Variants in PWWP2A observed in about 807,000 individuals in gnomAD.
PWWP2A encodes PWWP domain containing 2A.
A neutral mutation model predicts 48.5 loss-of-function variants in PWWP2A; 18 were observed. The observed-to-expected ratio is 0.37, with a 90% CI of 0.26 to 0.55. PWWP2A has a LOEUF of 0.55. Ranked by LOEUF, PWWP2A falls within the 20% of genes least tolerant of loss-of-function variation. The pLI, the probability that PWWP2A is intolerant of heterozygous loss-of-function variation, is 0.81. For missense variants in PWWP2A, 867 were observed against 976.4 expected (o/e 0.89, Z 1.49); for synonymous variants, 396 against 387.7 (o/e 1.02, Z -0.25).
At chr5:160,063,947 C>G (rs1030404443) in intron 4 of PWWP2A, among the ~76,000 whole-genome samples, 14 of 150,052 alleles carry the variant, frequency 9.3e-5, no homozygotes, top group Admixed American at 7.3e-4. Flanking sequence ...TGGCAAGAAC[C>G]GCTGGCTATA....
At chr5:160,118,637 G>GGTCTCGCCCTCTCCCA in intron 1 of PWWP2A, among the ~76,000 whole-genome samples, 168 bp downstream of exon 1, 1 of 152,066 alleles carries the variant, frequency 6.6e-6, no homozygotes, top group Admixed American at 6.5e-5. Context: ...GCCCTCTCCC[G>GGTCTCGCCCTCTCCCA]GTCTCGCGCG....
At chr5:160,083,824 G>A (rs946717061) in intron 2 of PWWP2A, among the ~76,000 whole-genome samples, 1 of 152,190 alleles carries the variant, frequency 6.6e-6, no homozygotes, top group African/African-American at 2.4e-5. Context: ...AGGAAAGTGA[G>A]TACCAGATCA....
Position 160,078,508 on chromosome 5 carries a change from A to G in PWWP2A, c.1670-340T>C, listed in dbSNP as rs766357075. On this transcript the variant is annotated intron_variant, in intron 3 of 3. Coordinates refer to the PWWP2A transcript ENST00000456329. The surrounding 1 kb of genome is among the most constrained non-coding windows in gnomAD (Gnocchi z 4.2). ...CAGGGGAATTTTAACTTTGTTCCTT[A>G]TATCGCCATTTCACAGTACAGTGCT... Among the ~76,000 whole-genome samples the G allele has an allele frequency of 1.3e-5, 2 of 152,102 alleles. No individual in the cohort carries two copies. The highest frequency in any genetic ancestry group is 2.4e-5 in the African/African-American group (1 of 41,402).
chr5:160,064,823 C>T, intron 4 of PWWP2A: 3 of 1,218,156 alleles, frequency 2.5e-6, no homozygotes, highest in East Asian at 2.4e-5. Flanking sequence ...TCTTTAACTG[C>T]AAAGAGATAC....
At chr5:160,082,936 G>A (rs1260678636) in intron 2 of PWWP2A, among the ~76,000 whole-genome samples, 1 of 152,056 alleles carries the variant, frequency 6.6e-6, no homozygotes, top group African/African-American at 2.4e-5. Flanking sequence ...ACCAGAACAG[G>A]GTAACCCTCA....
In PWWP2A at chr5:160,092,809, G is replaced by C. The variant is rs1183914341; in HGVS notation, c.1841C>G (p.Pro614Arg). The C allele has an allele frequency of 2.7e-5, 42 of 1,551,534 alleles. No homozygotes were observed. Among genetic ancestry groups the C allele is most frequent in the Non-Finnish European group, 3.7e-5 (42 of 1,146,982 alleles). The change falls in exon 2 of 2, where the codon CCT (proline) becomes CGT (arginine). Residue 614 changes from proline to arginine, a missense_variant. By Grantham distance (103) the Pro-to-Arg change is moderately radical. This residue lies in a region of PWWP2A where 382 missense variants were observed against 407.2 expected (regional missense o/e 0.94). Coordinates refer to ENST00000307063, the MANE Select transcript of PWWP2A (RefSeq NM_001130864.2). ...FDFPPGSMHAPSTSSTSSSSK... is the reference protein window; with the variant it reads ...FDFPPGSMHARSTSSTSSSSK... ...AGAGGAGGAAGTGGAGGAGGTGGAA[G>C]GTGCATGCATACTGCCTGGAGGAAA... is the stretch of plus-strand genomic sequence containing the variant.
chr5:160,060,898 A>G (rs550481509), downstream of PWWP2A, among the ~76,000 whole-genome samples: 35 of 152,366 alleles, frequency 2.3e-4, no homozygotes, highest in Admixed American at 3.9e-4. Context: ...AGCATTGTAG[A>G]AATTTTAATG....
At position 160,118,841 on chromosome 5, in the gene PWWP2A, T is replaced by G. The variant is rs778970345; in HGVS notation, c.548A>C (p.Lys183Thr). 3 of 1,580,920 alleles carry G rather than the reference T, an allele frequency of 1.9e-6. No homozygotes were observed. Among genetic ancestry groups the G allele is most frequent in the Admixed American group, 3.6e-5 (2 of 56,028 alleles). ...ATCCATGAGGACCCCGGAGAAGAGC[T>G]TCTCCCCGAAGCGGAACGACACGAC... ...ALVVSFRFGEKLFSGVLMDLS... is the reference protein window; with the variant it reads ...ALVVSFRFGETLFSGVLMDLS... The change falls in exon 1 of 2, where the codon AAG (lysine) becomes ACG (threonine). Residue 183 changes from lysine to threonine, a missense_variant. Lys to Thr is a moderately conservative substitution (Grantham distance 78). Coordinates refer to ENST00000307063, the MANE Select transcript of PWWP2A (RefSeq NM_001130864.2).
Position 160,092,846 on chromosome 5 carries a change from C to G in PWWP2A, c.1804G>C (p.Glu602Gln). The G allele has an allele frequency of 1.9e-6, 3 of 1,551,656 alleles. No homozygotes were observed. Among genetic ancestry groups the G allele is most frequent in the Non-Finnish European group, 2.6e-6 (3 of 1,146,988 alleles). ...CTGCCTGGAGGAAAATCAAAGCTTT[C>G]AGAAGAACTACACTCAGAGTTGGAA... ...KSSNSECSSS[E>Q]SFDFPPGSMH... The change falls in exon 2 of 2, where the codon GAA (glutamate) becomes CAA (glutamine). Residue 602 changes from glutamate to glutamine, a missense_variant. Glu to Gln is a conservative substitution (Grantham distance 29). Around this residue, in one of 4 missense-constraint regions of PWWP2A, gnomAD observed 382 missense variants for 407.2 expected, o/e 0.94. Transcript: ENST00000307063.
At chr5:160,066,427 G>GC (rs1191956547) in intron 4 of PWWP2A, 2 of 149,628 alleles carry the variant, frequency 1.3e-5, no homozygotes, top group East Asian at 4.0e-4. Context: ...CTCCAGAGTA[G>GC]CTGGGATTAC....
chr5:160,074,742 G>A (rs896806153), downstream of PWWP2A, among the ~76,000 whole-genome samples: 18 of 150,200 alleles, frequency 1.2e-4, no homozygotes, highest in Admixed American at 2.6e-4. Context: ...GCAAGACTCC[G>A]TCTCAAAAAA....
chr5:160,098,544 G>C (rs1040495228), intron 1 of PWWP2A, among the ~76,000 whole-genome samples: 1 of 151,992 alleles, frequency 6.6e-6, no homozygotes, highest in African/African-American at 2.4e-5. Context: ...CAATTTCAGG[G>C]GTCACACTAT....
rs760340162 is a variant in PWWP2A at position 160,118,924 on chromosome 5, T to C, written c.465A>G (p.Gln155=). Reference sequence around the variant, plus strand: ...CCCGCACCTCCGAGCCCGGGATCAGTTGCGACACCGTGGAGTCCCCGCCCG... The same window carrying C: ...CCCGCACCTCCGAGCCCGGGATCAGCTGCGACACCGTGGAGTCCCCGCCCG... ...PPAGGDSTVS[Q]LIPGSEVRVT... The change falls in exon 1 of 2, where the codon CAA becomes CAG. Residue 155 remains glutamine (Q), a synonymous_variant. Transcript: ENST00000307063. 1.2e-5 allele frequency: 19 copies of C among 1,601,508 alleles called. No individual in the cohort carries two copies. Among genetic ancestry groups the C allele is most frequent in the African/African-American group, 4.1e-5 (3 of 73,594 alleles).
intron 1 of PWWP2A, among the ~76,000 whole-genome samples, chr5:160,109,774 A>ATATATATATAT (rs1284977515): frequency 6.0e-4 from 15 of 25,210 alleles, no homozygotes; most frequent in East Asian, 1.4e-3. Context: ...AAAAAAAAAA[A>ATATATATATAT]ATATATATAT....
Position 160,091,532 on chromosome 5 carries a change from C to T in PWWP2A, c.*850G>A. The T allele has an allele frequency of 1.0e-6, 1 of 983,818 alleles. No individual in the cohort carries two copies. Among genetic ancestry groups the T allele is most frequent in the Non-Finnish European group, 1.2e-6 (1 of 828,524 alleles). 60.9% of individuals were successfully genotyped at this position (983,818 alleles called of 1,614,324 possible). A position where few individuals can be genotyped will look rare whatever the true frequency, so the allele number is the denominator to read the frequency against. On this transcript the variant is annotated 3_prime_UTR_variant, in exon 2 of 2. Transcript: ENST00000307063. Reference sequence around the variant, plus strand: ...AATTACACATATGACAATTAATTCACAAAGTATAATTTTACTGGGACATAT... The same window carrying T: ...AATTACACATATGACAATTAATTCATAAAGTATAATTTTACTGGGACATAT...
Position 160,093,452 on chromosome 5 carries a change from T to C in PWWP2A, c.1198A>G (p.Lys400Glu). 6.2e-7 allele frequency: 1 copy of C among 1,613,600 alleles called. No homozygotes were observed. The highest frequency in any genetic ancestry group is 8.5e-7 in the Non-Finnish European group (1 of 1,179,814). ...NIAHSRGRVV[K>E]VSAQANTSKA... ...GATGTATTTGCCTGAGCAGAAACTT[T>C]TACTACTCTGCCTCTGCTGTGAGCA... The change falls in exon 2 of 2, where the codon AAA becomes GAA. Residue 400 changes from lysine (K) to glutamate (E), a missense_variant. By Grantham distance (56) the Lys-to-Glu change is moderately conservative. Around this residue, in one of 4 missense-constraint regions of PWWP2A, gnomAD observed 382 missense variants for 407.2 expected, o/e 0.94. Coordinates refer to ENST00000307063, the MANE Select transcript of PWWP2A (RefSeq NM_001130864.2). The surrounding 1 kb of genome is among the most constrained non-coding windows in gnomAD (Gnocchi z 5.8).
At chr5:160,114,277 T>C (rs991469475) in intron 1 of PWWP2A, among the ~76,000 whole-genome samples, 1 of 151,562 alleles carries the variant, frequency 6.6e-6, no homozygotes, top group Non-Finnish European at 1.5e-5. Flanking sequence ...ATGCCTGTAA[T>C]CCCCAGCACT....
chr5:160,086,286 G>C (rs1754632516), intron 2 of PWWP2A, among the ~76,000 whole-genome samples: 2 of 152,210 alleles, frequency 1.3e-5, no homozygotes, highest in East Asian at 3.9e-4. Context: ...GGGAGGCTGA[G>C]GCAGAAGTTA....
chr5:160,090,088 CATATCATTTGTG>C, downstream of PWWP2A: 3 of 985,360 alleles, frequency 3.0e-6, no homozygotes, highest in Non-Finnish European at 3.6e-6. Flanking sequence ...GGTCATTTGG[CATATCATTTGTG>C]ATATGCTCAA....
Sources: allele counts gnomAD v4.1 joint callset (sites outside exome capture counted in the v4.1 genomes callset), GRCh38; gene constraint gnomAD v4.1.1; regional missense constraint gnomAD v4.1.1; non-coding constraint Gnocchi (gnomAD v3.1); transcripts MANE v1.5; gene names NCBI Gene and HGNC (gene_info 2026-07-23, HGNC 2026-07-21).